RMST: variants seen among roughly 807,000 people sequenced by gnomAD.
RMST encodes the protein rhabdomyosarcoma 2 associated transcript.
rs1164415436 is a variant in RMST, at chr12:97,474,069, T to C, written n.644+8342T>C. Among the ~76,000 whole-genome samples the C allele has an allele frequency of 2.0e-5, 3 of 152,128 alleles. No individual in the cohort carries two copies. In the South Asian group the frequency reaches 6.2e-4, roughly 32 times the overall value. Reference sequence around the variant, plus strand: ...TAGTAGACATTTCTTATTGACAGTGTACGGTATTCTGTGAGCTGGGGAAGA... The same window carrying C: ...TAGTAGACATTTCTTATTGACAGTGCACGGTATTCTGTGAGCTGGGGAAGA... On this transcript the variant is annotated intron_variant and non_coding_transcript_variant, in intron 5 of 13. Transcript: ENST00000640149.
chr12:97,531,063 A>G (rs1881578305), intron 11 of RMST, among the ~76,000 whole-genome samples: 2 of 140,112 alleles, frequency 1.4e-5, no homozygotes, highest in Non-Finnish European at 3.2e-5. Flanking sequence ...ACAGCTTTTG[A>G]TGATGAAAAT....
intron 4 of RMST, among the ~76,000 whole-genome samples, chr12:97,464,131 T>G (rs919585744): frequency 2.6e-5 from 4 of 152,212 alleles, no homozygotes; most frequent in Non-Finnish European, 5.9e-5. Context: ...AAGAAGCAAG[T>G]GTACACATAG....
chr12:97,514,872 A>G (rs1879775621), intron 10 of RMST, among the ~76,000 whole-genome samples: 1 of 152,186 alleles, frequency 6.6e-6, no homozygotes. Flanking sequence ...AGAAAAATGA[A>G]AAGTTCTGCT....
At chr12:97,545,142 A>G (rs1394535312) in intron 11 of RMST, among the ~76,000 whole-genome samples, 1 of 152,012 alleles carries the variant, frequency 6.6e-6, no homozygotes, top group Non-Finnish European at 1.5e-5. Context: ...TCTCTAGTCA[A>G]TTTCCTCATA....
At chr12:97,485,856 C>T (rs1876035095) in intron 5 of RMST, among the ~76,000 whole-genome samples, 2 of 152,348 alleles carry the variant, frequency 1.3e-5, no homozygotes, top group East Asian at 1.9e-4. Flanking sequence ...GGCCTCTCCA[C>T]ATGTAGGCCC....
At chr12:97,484,225 C>T (rs1262919471) in intron 5 of RMST, among the ~76,000 whole-genome samples, 1 of 152,098 alleles carries the variant, frequency 6.6e-6, no homozygotes, top group Non-Finnish European at 1.5e-5. Context: ...GTGTCTATAG[C>T]AATACAACCA....
chr12:97,463,760 A>G (rs1031301731), intron 4 of RMST, among the ~76,000 whole-genome samples: 7 of 152,202 alleles, frequency 4.6e-5, no homozygotes, highest in African/African-American at 1.7e-4. Context: ...AGATAAGATT[A>G]TGATGGTATG....
chr12:97,475,565 C>T (rs1349991481), intron 5 of RMST, among the ~76,000 whole-genome samples: 1 of 149,664 alleles, frequency 6.7e-6, no homozygotes. Flanking sequence ...ATTATAATAC[C>T]CACCTTAGTA....
In RMST at chr12:97,525,189, T is replaced by TGAGAAAG. The variant is rs372619902; in HGVS notation, n.1341-5461_1341-5455dup. On this transcript the variant is annotated intron_variant and non_coding_transcript_variant, in intron 10 of 13. Coordinates refer to ENST00000640149, the Ensembl canonical transcript of RMST. The stretch of plus-strand genomic sequence containing the variant: ...AATCCTTTTAAAGGAAGACATCCTT[T>TGAGAAAG]GAGAAAGGAGATGCAGGAATACCAA... Among the ~76,000 whole-genome samples, 614 of 152,300 alleles carry TGAGAAAG rather than the reference T, an allele frequency of 4.0e-3. 5 individuals are homozygous for TGAGAAAG. Among genetic ancestry groups the TGAGAAAG allele is most frequent in the African/African-American group, 0.014 (574 of 41,558 alleles).
chr12:97,540,157 C>CT, intron 11 of RMST, among the ~76,000 whole-genome samples: 1 of 151,790 alleles, frequency 6.6e-6, no homozygotes, highest in South Asian at 2.1e-4. Flanking sequence ...AACCTTCTGT[C>CT]TAACCACAGT....
chr12:97,548,923 T>C (rs1316352355), intron 11 of RMST, among the ~76,000 whole-genome samples: 1 of 152,120 alleles, frequency 6.6e-6, no homozygotes, highest in Non-Finnish European at 1.5e-5. Flanking sequence ...CTTGAAAAGG[T>C]TTATTTTCAT....
chr12:97,506,052 G>C (rs1047554924), intron 10 of RMST, among the ~76,000 whole-genome samples: 1 of 152,020 alleles, frequency 6.6e-6, no homozygotes, highest in African/African-American at 2.4e-5. Context: ...AATAAAAGTA[G>C]CCATTATAAC....
chr12:97,548,044 C>CT (rs1284794744), intron 11 of RMST, among the ~76,000 whole-genome samples: 1 of 152,006 alleles, frequency 6.6e-6, no homozygotes, highest in Non-Finnish European at 1.5e-5. Context: ...ACATTTAAGT[C>CT]TTTAACCTAT....
intron 5 of RMST, among the ~76,000 whole-genome samples, chr12:97,491,447 G>A (rs1876800235): frequency 6.6e-6 from 1 of 152,114 alleles, no homozygotes; most frequent in Non-Finnish European, 1.5e-5. Flanking sequence ...AAACAAGTCA[G>A]AAAAATGTAA....
At chr12:97,498,252 G>T (rs994225055) in intron 10 of RMST, among the ~76,000 whole-genome samples, 1 of 152,116 alleles carries the variant, frequency 6.6e-6, no homozygotes, top group African/African-American at 2.4e-5. Context: ...CTAGAATATT[G>T]ATGTTATGTA....
chr12:97,542,418 G>A (rs981677186), intron 11 of RMST, among the ~76,000 whole-genome samples: 1 of 151,698 alleles, frequency 6.6e-6, no homozygotes, highest in African/African-American at 2.4e-5. Context: ...GACTCTACAG[G>A]TGCTGATGAA....
chr12:97,508,389 A>T (rs1437005420), intron 10 of RMST, among the ~76,000 whole-genome samples: 1 of 152,180 alleles, frequency 6.6e-6, no homozygotes, highest in African/African-American at 2.4e-5. Flanking sequence ...CTCCTCCAAG[A>T]TTAGAGGAAA....
chr12:97,524,570 T>C (rs1034217459), intron 10 of RMST, among the ~76,000 whole-genome samples: 1 of 152,196 alleles, frequency 6.6e-6, no homozygotes, highest in Non-Finnish European at 1.5e-5. Flanking sequence ...AGCCATTTTG[T>C]CTAATATGTC....
rs17027085 is a variant in RMST, at chr12:97,498,267, T to C, written n.1340+2211T>C. Among the ~76,000 whole-genome samples, 650 of 152,320 alleles carry C rather than the reference T, an allele frequency of 4.3e-3. 25 individuals are homozygous for C. Among genetic ancestry groups the C allele is most frequent in the Admixed American group, 0.032 (487 of 15,300 alleles). On this transcript the variant is annotated intron_variant and non_coding_transcript_variant, in intron 10 of 13. Transcript: ENST00000640149. ...CTAGAATATTGATGTTATGTATGAA[T>C]GTGGGTGATATGATGAAAATATTAC...
Sources: allele counts gnomAD v4.1 joint callset (sites outside exome capture counted in the v4.1 genomes callset), GRCh38; gene constraint gnomAD v4.1.1; transcripts MANE v1.5; gene names NCBI Gene and HGNC (gene_info 2026-07-23, HGNC 2026-07-21).